Variants in TRPC5 observed in about 807,000 individuals in gnomAD.
The protein encoded by TRPC5 is short transient receptor potential channel 5.
TRPC5 carries 9 observed loss-of-function variants against 56.5 expected under a neutral mutation model. That is an observed-to-expected ratio of 0.16 (90% CI 0.10 to 0.28). The LOEUF (loss-of-function observed/expected upper bound fraction) is 0.28, where lower values mean the gene tolerates loss of function less well. Among genes scored for constraint, TRPC5 ranks in the 10% least tolerant of loss-of-function variants. TRPC5 has a pLI of 1.00. For missense variants in TRPC5, 469 were observed against 748.9 expected, an observed-to-expected ratio of 0.63 and a Z score of 4.36; for synonymous variants, 282 against 278.5, an observed-to-expected ratio of 1.01 and a Z score of -0.13.
At chrX:111,782,220 C>T (rs759000990) in intron 7 of TRPC5, 82 bp from the exon 8 acceptor site, 87 of 877,908 alleles carry the variant, frequency 9.9e-5, no homozygotes, top group Non-Finnish European at 1.3e-4. Flanking sequence ...TTTCTAGTTG[C>T]TTCTATAGAG....
chrX:111,993,244 CG>C (rs1406348481), intron 1 of TRPC5, among the ~76,000 whole-genome samples: 1 of 111,208 alleles, frequency 9.0e-6, no homozygotes, highest in Non-Finnish European at 1.9e-5. Context: ...TCCTTCTTTA[CG>C]GCTGCATAGT....
At chrX:111,967,364 T>C (rs1378313522) in intron 1 of TRPC5, among the ~76,000 whole-genome samples, 84 of 110,948 alleles carry the variant, frequency 7.6e-4, no homozygotes, top group African/African-American at 2.4e-3. Flanking sequence ...TCCATGCTCA[T>C]GGGTAGGAAG....
rs1922965685 is a variant in TRPC5 at position 111,847,495 on chromosome X, C to T, written c.1378-59G>A. ...TACAGTGAACATTTATAAAACTTTCCCTTTTTTCCTTGCTTCCATACCCAA... is the reference window on the plus strand; with the variant it reads ...TACAGTGAACATTTATAAAACTTTCTCTTTTTTCCTTGCTTCCATACCCAA... On this transcript the variant is annotated intron_variant, in intron 5 of 10. Transcript: ENST00000262839. 3 of 1,064,621 alleles carry T rather than the reference C, an allele frequency of 2.8e-6. No individual in the cohort carries two copies. The South Asian group carries it at 6.7e-5, about 24-fold the overall frequency. The allele number at this position is 1,064,621 out of a possible 1,213,427, so 87.7% of individuals were successfully genotyped here. A position where few individuals can be genotyped will look rare whatever the true frequency, so the allele number is the denominator to read the frequency against.
chrX:112,023,714 G>C lies in TRPC5; in HGVS notation c.-22+58165C>G, dbSNP rs192750063. On this transcript the variant is annotated intron_variant, in intron 1 of 10. Transcript: ENST00000262839. ...AATTGCCATGAACTTCCTATATCTGGACTATTTTCCTGACATGTTCCTATA... is the reference window on the plus strand; with the variant it reads ...AATTGCCATGAACTTCCTATATCTGCACTATTTTCCTGACATGTTCCTATA... Among the ~76,000 whole-genome samples the C allele has an allele frequency of 4.5e-5, 5 of 111,223 alleles. No individual in the cohort carries two copies. In the Admixed American group the frequency reaches 4.8e-4, roughly 11 times the overall value.
At chrX:111,955,848 A>T (rs1381909229) in intron 1 of TRPC5, among the ~76,000 whole-genome samples, 1 of 112,446 alleles carries the variant, frequency 8.9e-6, no homozygotes, top group Non-Finnish European at 1.9e-5. Context: ...CAGATGCACT[A>T]ATCTGCCATT....
chrX:112,025,220 G>A (rs184941478), intron 1 of TRPC5, among the ~76,000 whole-genome samples: 6 of 111,860 alleles, frequency 5.4e-5, no homozygotes, highest in East Asian at 5.6e-4. Context: ...TAATCAAAAC[G>A]CACTGTAAAT....
intron 3 of TRPC5, among the ~76,000 whole-genome samples, chrX:111,858,573 C>T (rs1299205749): frequency 9.3e-6 from 1 of 108,051 alleles, no homozygotes; most frequent in Non-Finnish European, 1.9e-5. Context: ...GCTTCTGTGT[C>T]TCTTTGTTGT....
At chrX:112,077,397 T>G (rs1417964529) in intron 1 of TRPC5, among the ~76,000 whole-genome samples, 2 of 112,491 alleles carry the variant, frequency 1.8e-5, no homozygotes, top group African/African-American at 6.5e-5. Flanking sequence ...AGTAGGTAAT[T>G]GTTTATTTTC....
At chrX:111,997,946 T>C (rs898290180) in intron 1 of TRPC5, among the ~76,000 whole-genome samples, 1 of 111,436 alleles carries the variant, frequency 9.0e-6, no homozygotes, top group African/African-American at 3.3e-5. Flanking sequence ...CATCCTCCTT[T>C]AGCTCAGAGT....
At chrX:111,932,905 C>CAAA (rs1017544092) in intron 2 of TRPC5, among the ~76,000 whole-genome samples, 7 of 111,842 alleles carry the variant, frequency 6.3e-5, no homozygotes, top group Admixed American at 3.8e-4. Flanking sequence ...ACCAACTTTT[C>CAAA]ACTCCAGTAC....
chrX:112,069,883 T>C (rs1440124144), intron 1 of TRPC5, among the ~76,000 whole-genome samples: 1 of 111,687 alleles, frequency 9.0e-6, no homozygotes, highest in Non-Finnish European at 1.9e-5. Context: ...ATTTTATGGC[T>C]AGGCTCAGGG....
chrX:111,861,740 A>G (rs1342759171), intron 3 of TRPC5, among the ~76,000 whole-genome samples: 2 of 111,669 alleles, frequency 1.8e-5, no homozygotes, highest in Non-Finnish European at 3.8e-5. Flanking sequence ...TTAGGTAGAA[A>G]TAAGTAACTA....
intron 1 of TRPC5, among the ~76,000 whole-genome samples, chrX:112,053,602 G>A (rs1323160648): frequency 8.9e-6 from 1 of 111,908 alleles, no homozygotes. Context: ...CTGTACAGGT[G>A]AGTGGTGAAG....
chrX:111,878,703 G>A (rs1383686926), intron 3 of TRPC5, among the ~76,000 whole-genome samples: 1 of 111,394 alleles, frequency 9.0e-6, no homozygotes, highest in Admixed American at 9.6e-5. Flanking sequence ...AGATGGGTGG[G>A]TGGAGGGGTG....
chrX:111,803,694 G>GT (rs759493948), intron 7 of TRPC5, among the ~76,000 whole-genome samples: 4 of 111,826 alleles, frequency 3.6e-5, no homozygotes, highest in South Asian at 7.5e-4. Context: ...TTTTGATGGG[G>GT]TTTTTTGTTT....
intron 1 of TRPC5, among the ~76,000 whole-genome samples, chrX:112,072,893 T>A (rs1290610714): frequency 8.9e-6 from 1 of 112,371 alleles, no homozygotes; most frequent in East Asian, 2.8e-4. Context: ...GTGCTCCTTG[T>A]TATTTTTCCA....
intron 1 of TRPC5, among the ~76,000 whole-genome samples, chrX:112,011,142 C>A (rs1928981360): frequency 9.0e-6 from 1 of 111,649 alleles, no homozygotes; most frequent in Non-Finnish European, 1.9e-5. Context: ...ACTGGTTCAT[C>A]AACTGGGATG....
intron 3 of TRPC5, among the ~76,000 whole-genome samples, chrX:111,898,811 G>T (rs895072411): frequency 9.0e-5 from 10 of 110,521 alleles, no homozygotes; most frequent in African/African-American, 2.6e-4. Flanking sequence ...TGAGGGGTAA[G>T]AAATCTGAGG....
intron 7 of TRPC5, among the ~76,000 whole-genome samples, chrX:111,789,831 G>T (rs1361449743): frequency 8.9e-6 from 1 of 112,757 alleles, no homozygotes; most frequent in African/African-American, 3.2e-5. Context: ...CTGGTCATCA[G>T]AGAAATGCAA....
Sources: gnomAD v4.1 joint callset for allele counts (sites outside exome capture counted in the v4.1 genomes callset) on GRCh38, gnomAD v4.1.1 for gene constraint, MANE v1.5 for transcripts, NCBI Gene and HGNC (gene_info 2026-07-23, HGNC 2026-07-21) for gene names.